CMKLR1: variants seen among roughly 807,000 people sequenced by gnomAD.
CMKLR1 encodes chemerin-like receptor 1.
A neutral mutation model predicts 8.2 loss-of-function variants in CMKLR1; 6 were observed. That is an observed-to-expected ratio of 0.73 (90% CI 0.40 to 1.44). The LOEUF (loss-of-function observed/expected upper bound fraction) is 1.44. Among genes scored for constraint, CMKLR1 ranks in the 40% most tolerant of loss-of-function variants. CMKLR1 has a pLI of 0.02. For synonymous variants in CMKLR1, 178 were observed against 181.2 expected (o/e 0.98, Z 0.14); for missense variants, 429 against 478.0 (o/e 0.90, Z 0.96).
At chr12:108,336,510 T>C (rs571494493) in intron 1 of CMKLR1, among the ~76,000 whole-genome samples, 76 of 150,734 alleles carry the variant, frequency 5.0e-4, no homozygotes, top group Non-Finnish European at 1.2e-4. Context: ...TGCGCCACTG[T>C]ACTCCAGCCT....
intron 1 of CMKLR1, among the ~76,000 whole-genome samples, chr12:108,333,634 T>C (rs1369995028): frequency 6.6e-6 from 1 of 152,186 alleles, no homozygotes; most frequent in Non-Finnish European, 1.5e-5. Context: ...CATGCCCACC[T>C]TATGAATGAG....
At chr12:108,323,015 C>T (rs1015660944) in intron 2 of CMKLR1, among the ~76,000 whole-genome samples, 1 of 152,144 alleles carries the variant, frequency 6.6e-6, no homozygotes, top group Non-Finnish European at 1.5e-5. Flanking sequence ...CCCCCTTCAG[C>T]CAGACAGTGC....
rs186145907 is a variant in CMKLR1 at position 108,315,732 on chromosome 12, T to A, written c.-74+14263A>T. ...CAGATGGCTACTTTCACTACCTCTA[T>A]TTTCCAGATGCAAAGACTGAGCCTT... On this transcript the variant is annotated intron_variant, in intron 2 of 3. Transcript: ENST00000550402. Among the ~76,000 whole-genome samples, 399 of 152,308 alleles carry A rather than the reference T, an allele frequency of 2.6e-3. 6 individuals are homozygous for A. The highest frequency in any genetic ancestry group is 7.2e-4 in the Non-Finnish European group (49 of 68,036).
chr12:108,338,613 A>G (rs1042161185), intron 1 of CMKLR1, among the ~76,000 whole-genome samples: 4 of 152,228 alleles, frequency 2.6e-5, no homozygotes, highest in African/African-American at 9.6e-5. Flanking sequence ...AGGTATTCAT[A>G]AGACACACAC....
At chr12:108,330,519 G>T (rs952584) in intron 1 of CMKLR1, among the ~76,000 whole-genome samples, 82,326 of 151,996 alleles carry the variant, frequency 0.54, 22,767 homozygotes, top group East Asian at 0.65. Context: ...ATGGTGAGGG[G>T]TGTGGACTTC....
intron 2 of CMKLR1, among the ~76,000 whole-genome samples, chr12:108,323,720 T>C (rs1489883609): frequency 6.6e-6 from 1 of 152,012 alleles, no homozygotes; most frequent in Non-Finnish European, 1.5e-5. Flanking sequence ...CTGCCTGAGC[T>C]CACAAACAAG....
chr12:108,327,949 C>T (rs1163963256), intron 2 of CMKLR1, among the ~76,000 whole-genome samples: 5 of 152,140 alleles, frequency 3.3e-5, no homozygotes, highest in Non-Finnish European at 7.4e-5. Context: ...AATCTCCTCC[C>T]GGGAGACCTG....
Position 108,292,381 on chromosome 12 carries a change from G to C in CMKLR1, c.582C>G (p.Ser194Arg), listed in dbSNP as rs201961201. 26 of 1,614,042 alleles carry C rather than the reference G, an allele frequency of 1.6e-5. No homozygotes were observed. In the South Asian group the frequency reaches 2.9e-4, roughly 18 times the overall value. Residue 194 changes from serine to arginine, a missense_variant, in exon 4 of 4, where the codon AGC becomes AGG. Physicochemically the swap from Ser to Arg is moderately radical, Grantham distance 110 (BLOSUM62 -1). Transcript: ENST00000550402. ...ACGAGGAAGACCCAGGTGTGGACAGGCTGAAGTTGTTGAAGCAGGATATTT... is the reference window on the plus strand; with the variant it reads ...ACGAGGAAGACCCAGGTGTGGACAGCCTGAAGTTGTTGAAGCAGGATATTT... ...HGKISCFNNF[S>R]LSTPGSSSWP...
intron 2 of CMKLR1, among the ~76,000 whole-genome samples, chr12:108,311,639 A>C (rs538867133): frequency 1.3e-5 from 2 of 152,320 alleles, no homozygotes; most frequent in South Asian, 4.1e-4. Flanking sequence ...AAAAGAAAAA[A>C]AGTGCCAGGG....
At chr12:108,325,090 A>T (rs1386888104) in intron 2 of CMKLR1, among the ~76,000 whole-genome samples, 1 of 152,214 alleles carries the variant, frequency 6.6e-6, no homozygotes, top group Non-Finnish European at 1.5e-5. Flanking sequence ...CAGCCGAGAC[A>T]GGGCAGCAGA....
chr12:108,299,386 T>A (rs1182010882), intron 2 of CMKLR1, among the ~76,000 whole-genome samples: 2 of 152,172 alleles, frequency 1.3e-5, no homozygotes, highest in East Asian at 3.8e-4. Context: ...TTCTACTCCC[T>A]TTTAAATTCC....
intron 2 of CMKLR1, among the ~76,000 whole-genome samples, chr12:108,306,383 G>T (rs543822197): frequency 7.0e-6 from 1 of 142,556 alleles, no homozygotes; most frequent in Non-Finnish European, 1.6e-5. Context: ...CTAAGTTCTC[G>T]TTAATCACCT....
chr12:108,330,981 T>C (rs11113823), intron 1 of CMKLR1, among the ~76,000 whole-genome samples: 68,577 of 151,988 alleles, frequency 0.45, 15,987 homozygotes, highest in Admixed American at 0.54. Context: ...TCCTCAAAAA[T>C]GAACCTCCTC....
chr12:108,291,913 A>G lies in CMKLR1; in HGVS notation c.1050T>C (p.His350=). Residue 350 remains histidine, a synonymous_variant, in exon 4 of 4, where the codon CAT becomes CAC. Transcript: ENST00000550402. The stretch of plus-strand genomic sequence containing the variant: ...TTGATGACATCTTGGTAAAGCTTCT[A>G]TGGCTGGGGTAGGAAGAGTGGCCTG... ...EDTGHSSYPS[H]RSFTKMSSMN... The G allele has an allele frequency of 6.2e-7, 1 of 1,614,200 alleles. No homozygotes were observed. Among genetic ancestry groups the G allele is most frequent in the Non-Finnish European group, 8.5e-7 (1 of 1,180,036 alleles).
intron 2 of CMKLR1, among the ~76,000 whole-genome samples, chr12:108,294,331 C>T (rs1891071621): frequency 6.6e-6 from 1 of 152,176 alleles, no homozygotes; most frequent in Non-Finnish European, 1.5e-5. Flanking sequence ...ACTGAGCCTC[C>T]GCTGTGCAGA....
At chr12:108,318,251 A>C (rs1891780139) in intron 2 of CMKLR1, among the ~76,000 whole-genome samples, 1 of 152,200 alleles carries the variant, frequency 6.6e-6, no homozygotes, top group East Asian at 1.9e-4. Context: ...TAGAGTCTGG[A>C]GTTCTCAAGC....
intron 2 of CMKLR1, among the ~76,000 whole-genome samples, chr12:108,324,515 C>T (rs17040392): frequency 0.032 from 4,829 of 152,162 alleles, 265 homozygotes; most frequent in African/African-American, 0.11. Context: ...GCCACGCAGA[C>T]GGGAAGCCAG....
At chr12:108,336,464 T>C (rs11609246) in intron 1 of CMKLR1, among the ~76,000 whole-genome samples, 1 of 151,404 alleles carries the variant, frequency 6.6e-6, no homozygotes, top group East Asian at 1.9e-4. Flanking sequence ...GAGAATGGCG[T>C]GAACCCGGGA....
intron 2 of CMKLR1, among the ~76,000 whole-genome samples, chr12:108,320,064 G>A (rs1010045093): frequency 2.0e-5 from 3 of 152,118 alleles, no homozygotes; most frequent in African/African-American, 7.2e-5. Context: ...CATTCCAGCT[G>A]CCAAGTCAGG....
Sources: allele counts gnomAD v4.1 joint callset (sites outside exome capture counted in the v4.1 genomes callset), GRCh38; gene constraint gnomAD v4.1.1; transcripts MANE v1.5; gene names NCBI Gene and HGNC (gene_info 2026-07-23, HGNC 2026-07-21).